The following L3MBTL3 variants were observed in gnomAD, a reference collection of about 807,000 sequenced individuals.
L3MBTL3 encodes the protein lethal(3)malignant brain tumor-like protein 3.
L3MBTL3 carries 27 observed loss-of-function variants against 102.3 expected under a neutral mutation model. That is an observed-to-expected ratio of 0.26 (90% CI 0.19 to 0.36). The LOEUF (loss-of-function observed/expected upper bound fraction) is 0.36, where lower values mean the gene tolerates loss of function less well. L3MBTL3 is among the 10% of genes least tolerant of loss of function. The probability of loss-of-function intolerance (pLI) is 1.00; values close to 1 mark genes in which losing one functional copy is unlikely to be tolerated. For missense variants in L3MBTL3, 798 were observed against 955.3 expected (o/e 0.84, Z 2.17); for synonymous variants, 340 against 320.9 (o/e 1.06, Z -0.64).
chr6:130,131,846 T>TTTTG (rs1316255014), intron 20 of L3MBTL3, among the ~76,000 whole-genome samples: 1 of 152,088 alleles, frequency 6.6e-6, no homozygotes, highest in Non-Finnish European at 1.5e-5. Context: ...TTTTGGTGGG[T>TTTTG]TTTGTCTGGC....
rs1042039911 is a variant in L3MBTL3 at position 130,130,397 on chromosome 6, A to T, written c.1967-3055A>T. Among the ~76,000 whole-genome samples, 13 of 152,222 alleles carry T rather than the reference A, an allele frequency of 8.5e-5. 1 individual carries two copies. Among genetic ancestry groups the T allele is most frequent in the African/African-American group, 3.1e-4 (13 of 41,464 alleles). The stretch of plus-strand genomic sequence containing the variant: ...ACTAATTATATGGCATGCACTCAGG[A>T]TACAAATTATAAAGTCAGCCCTATG... On this transcript the variant is annotated intron_variant, in intron 20 of 22. Coordinates refer to ENST00000361794, the MANE Select transcript of L3MBTL3 (RefSeq NM_032438.4).
rs776161155 is a variant in L3MBTL3 at position 130,055,234 on chromosome 6, G to T, written c.646G>T (p.Asp216Tyr). The T allele has an allele frequency of 6.2e-7, 1 of 1,613,492 alleles. No homozygotes were observed. Among genetic ancestry groups the T allele is most frequent in the Non-Finnish European group, 8.5e-7 (1 of 1,179,646 alleles). ...GAGAGCACGGAGGAAAAGACGAGGG[G>T]ATTCGGCTGTACTAAAGCAGGGTGA... is the stretch of plus-strand genomic sequence containing the variant. ...SQRARRKRRG[D>Y]SAVLKQGLPP... is the part of the protein sequence containing the mutation. Residue 216 changes from aspartate (D) to tyrosine (Y), a missense_variant, in exon 8 of 23, where the codon GAT (aspartate) becomes TAT (tyrosine). Asp to Tyr is a radical substitution (Grantham distance 160). Coordinates refer to ENST00000361794, the MANE Select transcript of L3MBTL3 (RefSeq NM_032438.4).
chr6:130,026,689 T>C lies in L3MBTL3; in HGVS notation c.-16+4384T>C, dbSNP rs973060521. ...TGGCCTTGAAATGATCACAAACTGT[T>C]GATAAAACATTACTCAGAATAGGCT... On this transcript the variant is annotated intron_variant, in intron 2 of 22. Transcript: ENST00000361794. 4.6e-5 allele frequency among the ~76,000 whole-genome samples: 7 copies of C among 152,258 alleles called. 1 individual carries two copies. In the South Asian group the frequency reaches 1.2e-3, roughly 27 times the overall value.
intron 10 of L3MBTL3, among the ~76,000 whole-genome samples, 162 bp downstream of exon 10, chr6:130,060,302 G>T (rs1488695062): frequency 4.6e-5 from 7 of 152,164 alleles, no homozygotes; most frequent in African/African-American, 1.7e-4. Flanking sequence ...GCATGTTGTG[G>T]TTTTTCTCAA....
chr6:130,052,364 C>T (rs181698313), intron 6 of L3MBTL3, among the ~76,000 whole-genome samples: 2 of 152,268 alleles, frequency 1.3e-5, no homozygotes, highest in East Asian at 1.9e-4. Flanking sequence ...CTCAGCCTCC[C>T]GAAATGCTGG....
chr6:130,101,415 G>C (rs1056630196), intron 18 of L3MBTL3, among the ~76,000 whole-genome samples: 1 of 152,142 alleles, frequency 6.6e-6, no homozygotes, highest in African/African-American at 2.4e-5. Flanking sequence ...GGTGATGTTA[G>C]GTCTGACACC....
rs770237426 is a variant in L3MBTL3 at position 130,051,486 on chromosome 6, A to G, written c.449+78A>G. The G allele has an allele frequency of 3.2e-4, 425 of 1,313,098 alleles. 4 individuals carry two copies. The highest frequency in any genetic ancestry group is 5.5e-5 in the Non-Finnish European group (51 of 926,366). 81.3% of individuals were successfully genotyped at this position (1,313,098 alleles called of 1,614,324 possible). Reference sequence around the variant, plus strand: ...TGGTGCCTGAGAATATAGAAGTTTTATGCTCTCGGACATTGATCACCTATT... The same window carrying G: ...TGGTGCCTGAGAATATAGAAGTTTTGTGCTCTCGGACATTGATCACCTATT... On this transcript the variant is annotated intron_variant, in intron 6 of 22. Transcript: ENST00000361794.
intron 17 of L3MBTL3, 121 bp from the exon 18 acceptor site, chr6:130,094,144 T>G (rs1784214955): frequency 1.7e-6 from 1 of 582,558 alleles, no homozygotes; most frequent in Non-Finnish European, 2.9e-6. Flanking sequence ...TTATGTATGT[T>G]GGTTAAAAAA....
intron 5 of L3MBTL3, 29 bp from the exon 6 acceptor site, chr6:130,051,220 A>G: frequency 6.3e-7 from 1 of 1,578,398 alleles, no homozygotes; most frequent in African/African-American, 1.4e-5. Flanking sequence ...TCATGGTTGT[A>G]ATTTGCATTT....
chr6:130,096,494 A>T (rs1275163856), intron 18 of L3MBTL3, among the ~76,000 whole-genome samples: 1 of 152,196 alleles, frequency 6.6e-6, no homozygotes, highest in Non-Finnish European at 1.5e-5. Flanking sequence ...AGGTGAAACA[A>T]AACTTTTTTT....
chr6:130,120,737 G>T, intron 19 of L3MBTL3, 142 bp from the exon 20 acceptor site: 1 of 607,192 alleles, frequency 1.6e-6, no homozygotes, highest in Non-Finnish European at 2.9e-6. Flanking sequence ...TAATTGCCTT[G>T]TAGGAGAACT....
chr6:130,139,468 A>T, intron 22 of L3MBTL3, 142 bp from the exon 23 acceptor site: 1 of 713,156 alleles, frequency 1.4e-6, no homozygotes, highest in South Asian at 1.8e-5. Context: ...CCATATATCA[A>T]GAAATGTCAT....
intron 15 of L3MBTL3, among the ~76,000 whole-genome samples, chr6:130,084,012 A>G (rs1014319004): frequency 1.3e-5 from 2 of 152,158 alleles, no homozygotes; most frequent in South Asian, 2.1e-4. Context: ...TTTTAGCTAG[A>G]TGTTCTAAAA....
intron 14 of L3MBTL3, among the ~76,000 whole-genome samples, chr6:130,079,383 C>T (rs966776766): frequency 1.3e-5 from 2 of 152,144 alleles, no homozygotes; most frequent in African/African-American, 4.8e-5. Context: ...GTCTCTTTAA[C>T]GGGGAACAGT....
At position 130,126,097 on chromosome 6, in the gene L3MBTL3, C is replaced by T. The variant is rs1015793169; in HGVS notation, c.1966+5139C>T. On this transcript the variant is annotated intron_variant, in intron 20 of 22. Transcript: ENST00000361794. The stretch of plus-strand genomic sequence containing the variant: ...CCTCGCTCCCTCCCTCCCTCCTTAC[C>T]TCTTTCCCTCCCTCCCTCCCTCTCT... Among the ~76,000 whole-genome samples, 5 of 151,690 alleles carry T rather than the reference C, an allele frequency of 3.3e-5. No homozygotes were observed. In the Middle Eastern group the frequency reaches 0.01, roughly 310 times the overall value.
At chr6:130,063,610 A>C (rs1200662680) in intron 10 of L3MBTL3, among the ~76,000 whole-genome samples, 1 of 152,178 alleles carries the variant, frequency 6.6e-6, no homozygotes, top group African/African-American at 2.4e-5. Context: ...TTTCTGTTTA[A>C]AGACACCTCA....
chr6:130,070,955 T>G (rs776325022), intron 12 of L3MBTL3, 21 bp from the exon 13 acceptor site: 1 of 1,608,508 alleles, frequency 6.2e-7, no homozygotes, highest in Non-Finnish European at 8.5e-7. Flanking sequence ...TATCTCTAAT[T>G]AAATCTGTGT....
At chr6:130,035,573 T>G (rs1780006299) in intron 2 of L3MBTL3, among the ~76,000 whole-genome samples, 4 of 152,254 alleles carry the variant, frequency 2.6e-5, no homozygotes. Flanking sequence ...GCAATACTTT[T>G]GCACTAGTGC....
At chr6:130,047,491 G>A (rs575373418) in intron 3 of L3MBTL3, among the ~76,000 whole-genome samples, 1 of 152,264 alleles carries the variant, frequency 6.6e-6, no homozygotes, top group South Asian at 2.1e-4. Flanking sequence ...ATGGAGGGTG[G>A]TTTGCTGTTT....
Sources: gnomAD v4.1 joint callset for allele counts (sites outside exome capture counted in the v4.1 genomes callset) on GRCh38, gnomAD v4.1.1 for gene constraint, MANE v1.5 for transcripts, NCBI Gene and HGNC (gene_info 2026-07-23, HGNC 2026-07-21) for gene names.